The following SLC25A17 variants were observed in gnomAD, a reference collection of about 807,000 sequenced individuals.
SLC25A17 encodes the protein peroxisomal membrane protein PMP34.
In SLC25A17, 26 loss-of-function variants were observed where a neutral mutation model predicts 38.5. The ratio of observed to expected loss-of-function variants is 0.68; its 90% CI spans 0.50 to 0.94. The LOEUF is 0.94. Among genes scored for constraint, SLC25A17 ranks in the 40% least tolerant of loss-of-function variants. The probability of loss-of-function intolerance (pLI) is 0.00; values close to 1 mark genes in which losing one functional copy is unlikely to be tolerated. For synonymous variants in SLC25A17, 139 were observed against 136.2 expected (o/e 1.02, Z -0.14); for missense variants, 333 against 372.7 (o/e 0.89, Z 0.88).
In SLC25A17 at chr22:40,799,006, G is replaced by GTATGAT; in HGVS notation, c.115+11_115+16dup. The GTATGAT allele has an allele frequency of 6.5e-7, 1 of 1,549,350 alleles. No homozygotes were observed. The highest frequency in any genetic ancestry group is 8.9e-7 in the Non-Finnish European group (1 of 1,122,144). ...GCTTCCTGACACCATACAAATAGGA[G>GTATGAT]TATGATTTCTACTTACCCTGAAGTC... is the stretch of plus-strand genomic sequence containing the variant. On this transcript the variant is annotated intron_variant, in intron 2 of 8. Transcript: ENST00000435456.
intron 1 of SLC25A17, among the ~76,000 whole-genome samples, chr22:40,801,459 T>A (rs185456068): frequency 6.6e-6 from 1 of 152,236 alleles, no homozygotes; most frequent in Non-Finnish European, 1.5e-5. Context: ...ACATCCTAGA[T>A]TCTCAATTAA....
At chr22:40,806,532 T>C (rs2057531616) in intron 1 of SLC25A17, among the ~76,000 whole-genome samples, 1 of 152,310 alleles carries the variant, frequency 6.6e-6, no homozygotes, top group South Asian at 2.1e-4. Flanking sequence ...GCTCTTCTAT[T>C]TTGGTTGTCT....
intron 5 of SLC25A17, 78 bp downstream of exon 5, chr22:40,778,931 A>G: frequency 8.1e-7 from 1 of 1,235,786 alleles, no homozygotes; most frequent in Non-Finnish European, 1.2e-6. Context: ...TATGTTATGT[A>G]GCTTTATGTG....
intron 1 of SLC25A17, among the ~76,000 whole-genome samples, chr22:40,809,898 GA>G (rs1274742409): frequency 6.6e-6 from 1 of 151,978 alleles, no homozygotes; most frequent in Admixed American, 6.6e-5. Context: ...TCCTTTCCAG[GA>G]AAACTCTATA....
At chr22:40,805,526 A>T (rs1255325420) in intron 1 of SLC25A17, among the ~76,000 whole-genome samples, 1 of 152,236 alleles carries the variant, frequency 6.6e-6, no homozygotes, top group Non-Finnish European at 1.5e-5. Context: ...CCTAGAGCAC[A>T]CATGTCCAAC....
intron 1 of SLC25A17, among the ~76,000 whole-genome samples, chr22:40,814,791 T>TATATATATATATATATA (rs1568991013): frequency 3.3e-5 from 4 of 122,560 alleles, no homozygotes; most frequent in African/African-American, 9.9e-5. Context: ...ATATATATAT[T>TATATATATATATATATA]GTTGTTGTTG....
At chr22:40,783,219 C>T (rs1014312172) in intron 4 of SLC25A17, among the ~76,000 whole-genome samples, 1 of 152,172 alleles carries the variant, frequency 6.6e-6, no homozygotes, top group Non-Finnish European at 1.5e-5. Context: ...AATTCTTTAA[C>T]CCAGAGTCTC....
Position 40,789,901 on chromosome 22 carries a change from A to T in SLC25A17, c.334+2624T>A, listed in dbSNP as rs966005172. On this transcript the variant is annotated intron_variant, in intron 4 of 8. Transcript: ENST00000435456. The surrounding 1 kb of genome is among the most constrained non-coding windows in gnomAD (Gnocchi z 4.5). Reference sequence around the variant, plus strand: ...AGTGATCCTCCTGCCTTGACCTCCCAAACTGCTGGGATTACAGGGGTGAGC... The same window carrying T: ...AGTGATCCTCCTGCCTTGACCTCCCTAACTGCTGGGATTACAGGGGTGAGC... Among the ~76,000 whole-genome samples, 2 of 151,290 alleles carry T rather than the reference A, an allele frequency of 1.3e-5. No homozygotes were observed. The highest frequency in any genetic ancestry group is 4.9e-5 in the African/African-American group (2 of 41,140).
intron 5 of SLC25A17, 100 bp downstream of exon 5, chr22:40,778,909 G>C: frequency 1.0e-6 from 1 of 987,142 alleles, no homozygotes; most frequent in Middle Eastern, 3.2e-4. Context: ...CCATCAAAAA[G>C]TGGGCAAAGG....
At chr22:40,798,843 G>A (rs938585926) in intron 2 of SLC25A17, among the ~76,000 whole-genome samples, 180 bp downstream of exon 2, 4 of 151,200 alleles carry the variant, frequency 2.6e-5, no homozygotes, top group African/African-American at 9.7e-5. Context: ...CTTGGGAGGC[G>A]GAGGCAGGAG....
intron 7 of SLC25A17, chr22:40,776,213 C>A (rs2057242189): frequency 2.4e-6 from 1 of 412,182 alleles, no homozygotes; most frequent in Admixed American, 3.3e-5. Flanking sequence ...CTTCCACTAG[C>A]TCCATAAGGG....
chr22:40,775,021 T>A (rs953931201), intron 7 of SLC25A17, among the ~76,000 whole-genome samples: 2 of 152,118 alleles, frequency 1.3e-5, no homozygotes, highest in Non-Finnish European at 2.9e-5. Flanking sequence ...CCTACTAGAT[T>A]GCCCCTGGCT....
At chr22:40,819,077 C>G in intron 1 of SLC25A17, 118 bp downstream of exon 1, 1 of 1,090,986 alleles carries the variant, frequency 9.2e-7, no homozygotes, top group South Asian at 1.3e-5. Context: ...ACAGTCATGA[C>G]AGTGGACCCC....
chr22:40,779,076 T>C lies in SLC25A17; in HGVS notation c.384A>G (p.Arg128=), dbSNP rs930239402. 3.1e-6 allele frequency: 5 copies of C among 1,614,090 alleles called. No homozygotes were observed. In the African/African-American group the frequency reaches 6.7e-5, roughly 22 times the overall value. The part of the protein sequence containing the change: ...LTTPLWVVNT[R]LKLQGAKFRN... The stretch of plus-strand genomic sequence containing the variant: ...TAAATTTTGCTCCTTGAAGCTTCAG[T>C]CTGGTGTTTACCACCCAGAGTGGAG... Residue 128 remains arginine (R), a synonymous_variant, in exon 5 of 9, where the codon AGA becomes AGG. Coordinates refer to ENST00000435456, the MANE Select transcript of SLC25A17 (RefSeq NM_006358.4).
At chr22:40,818,706 GAA>G (rs397868143) in intron 1 of SLC25A17, among the ~76,000 whole-genome samples, 8 of 93,076 alleles carry the variant, frequency 8.6e-5, no homozygotes, top group African/African-American at 2.8e-4. Context: ...ACCCTGTCCG[GAA>G]AAAAAAAAAA....
At chr22:40,776,279 T>G (rs895585296) in intron 7 of SLC25A17, 1 of 469,306 alleles carries the variant, frequency 2.1e-6, no homozygotes, top group Non-Finnish European at 4.4e-6. Context: ...ACAGTGTGGA[T>G]GCTTAGTAAA....
At chr22:40,785,374 A>G (rs77215964) in intron 4 of SLC25A17, among the ~76,000 whole-genome samples, 3,625 of 152,254 alleles carry the variant, frequency 0.024, 123 homozygotes, top group African/African-American at 0.083. Flanking sequence ...ACAGAGTGAG[A>G]CTCCTTCTCA....
intron 4 of SLC25A17, among the ~76,000 whole-genome samples, chr22:40,787,017 A>T (rs1328869787): frequency 6.6e-6 from 1 of 152,242 alleles, no homozygotes; most frequent in Non-Finnish European, 1.5e-5. Flanking sequence ...GTCTAGCAAA[A>T]GATGAAGAAG....
intron 7 of SLC25A17, among the ~76,000 whole-genome samples, chr22:40,775,738 C>T (rs1415362493): frequency 6.6e-6 from 1 of 152,074 alleles, no homozygotes; most frequent in African/African-American, 2.4e-5. Flanking sequence ...GCTGGGATTA[C>T]AGGCGTGAGC....
Sources: gnomAD v4.1 joint callset for allele counts (sites outside exome capture counted in the v4.1 genomes callset) on GRCh38, gnomAD v4.1.1 for gene constraint, Gnocchi (gnomAD v3.1) non-coding constraint, MANE v1.5 for transcripts, NCBI Gene and HGNC (gene_info 2026-07-23, HGNC 2026-07-21) for gene names.